The following TPRG1 variants were observed in gnomAD, a reference collection of about 807,000 sequenced individuals.
TPRG1 encodes the protein tumor protein p63 regulated 1.
In TPRG1, 29 loss-of-function variants were observed where a neutral mutation model predicts 29.3. That is an observed-to-expected ratio of 0.99 (90% CI 0.74 to 1.35). The LOEUF (loss-of-function observed/expected upper bound fraction) is 1.35, where lower values mean the gene tolerates loss of function less well. Ranked by LOEUF, TPRG1 falls within the 40% of genes most tolerant of loss-of-function variation. The pLI, the probability that TPRG1 is intolerant of heterozygous loss-of-function variation, is 0.00. For missense variants in TPRG1, 327 were observed against 335.0 expected, an observed-to-expected ratio of 0.98 and a Z score of 0.19; for synonymous variants, 130 against 116.8, an observed-to-expected ratio of 1.11 and a Z score of -0.73.
chr3:189,079,136 A>T (rs923863717), intron 4 of TPRG1, among the ~76,000 whole-genome samples: 6 of 152,180 alleles, frequency 3.9e-5, no homozygotes, highest in African/African-American at 1.4e-4. Context: ...GGGAGGGAGC[A>T]AAAGGAAGAG....
rs557723005 is a variant in TPRG1, at chr3:189,154,598, C to T, written c.-10+3726C>T. On this transcript the variant is annotated intron_variant, in intron 5 of 6. Transcript: ENST00000412373. ...CTGGGATTACAGGCTCCCACCACCA[C>T]GCCTGGCTAATTTTTTGTATTTTTA... Among the ~76,000 whole-genome samples, 25 of 152,174 alleles carry T rather than the reference C, an allele frequency of 1.6e-4. No individual in the cohort carries two copies. In the South Asian group the frequency reaches 1.7e-3, roughly 10 times the overall value.
At chr3:189,017,715 C>A (rs1238037911) in intron 3 of TPRG1, among the ~76,000 whole-genome samples, 7 of 152,148 alleles carry the variant, frequency 4.6e-5, no homozygotes. Flanking sequence ...TTTATAGCAG[C>A]ATGATTTATA....
intron 3 of TPRG1, among the ~76,000 whole-genome samples, chr3:189,143,115 T>G (rs1363127644): frequency 6.6e-6 from 1 of 152,194 alleles, no homozygotes; most frequent in African/African-American, 2.4e-5. Context: ...AGATGAAGGT[T>G]GTTGTTCTGG....
At chr3:189,016,584 C>G (rs965358259) in intron 3 of TPRG1, among the ~76,000 whole-genome samples, 3 of 151,972 alleles carry the variant, frequency 2.0e-5, no homozygotes, top group African/African-American at 7.2e-5. Flanking sequence ...GTGACCCCAC[C>G]CAAATCTCAT....
Position 189,320,675 on chromosome 3 carries a change from A to G in TPRG1, c.683A>G (p.Lys228Arg), listed in dbSNP as rs761524842. The change falls in exon 6 of 6, where the codon AAG becomes AGG. Residue 228 changes from lysine to arginine, a missense_variant. Transcript: ENST00000345063. ...KLVPAIQNAH[K>R]NSTGSGRGKK... The stretch of plus-strand genomic sequence containing the variant: ...GTTCCAGCTATCCAGAATGCCCACA[A>G]GAATTCAACTGGATCTGGAAGAGGA... 3 of 1,612,508 alleles carry G rather than the reference A, an allele frequency of 1.9e-6. No homozygotes were observed. The highest frequency in any genetic ancestry group is 2.5e-6 in the Non-Finnish European group (3 of 1,179,202).
intron 1 of TPRG1, among the ~76,000 whole-genome samples, chr3:189,196,620 A>T (rs1732574578): frequency 1.3e-5 from 2 of 152,154 alleles, no homozygotes; most frequent in African/African-American, 4.8e-5. Context: ...ACTGGCCCCC[A>T]TGACTCAGTT....
chr3:189,074,918 T>G (rs1717052017), intron 4 of TPRG1, among the ~76,000 whole-genome samples: 3 of 151,486 alleles, frequency 2.0e-5, no homozygotes, highest in Non-Finnish European at 4.4e-5. Flanking sequence ...TTCCCGCCAT[T>G]CTCCTGCCTC....
chr3:189,117,573 G>A (rs1393434253), intron 1 of TPRG1, among the ~76,000 whole-genome samples: 1 of 152,190 alleles, frequency 6.6e-6, no homozygotes, highest in African/African-American at 2.4e-5. Context: ...ATCTCATCTT[G>A]AGTTGTAATC....
At chr3:189,204,037 C>CAAAAAAAAAAAAAAAAAAAAAAAAAAAA (rs35367828) in intron 1 of TPRG1, among the ~76,000 whole-genome samples, 1 of 87,916 alleles carries the variant, frequency 1.1e-5, no homozygotes, top group Non-Finnish European at 2.3e-5. Flanking sequence ...GAGACTGTCT[C>CAAAAAAAAAAAAAAAAAAAAAAAAAAAA]AAAAAAAAAA....
chr3:189,099,710 T>C (rs1718964301), upstream of TPRG1, among the ~76,000 whole-genome samples: 1 of 152,092 alleles, frequency 6.6e-6, no homozygotes, highest in East Asian at 1.9e-4. Flanking sequence ...GGAAAGGACG[T>C]CAACCATGGT....
At chr3:189,142,094 G>T (rs989841216) in intron 3 of TPRG1, among the ~76,000 whole-genome samples, 12 of 152,190 alleles carry the variant, frequency 7.9e-5, no homozygotes, top group African/African-American at 2.9e-4. Context: ...TGAGCAGGTG[G>T]CTCCACTAAG....
intron 4 of TPRG1, among the ~76,000 whole-genome samples, chr3:189,067,432 A>G (rs1315426505): frequency 1.3e-5 from 2 of 152,208 alleles, no homozygotes; most frequent in African/African-American, 2.4e-5. Context: ...CTACAGAGCT[A>G]TAGTAACCAA....
intron 1 of TPRG1, among the ~76,000 whole-genome samples, chr3:189,112,903 A>T (rs1173493504): frequency 6.6e-6 from 1 of 152,024 alleles, no homozygotes; most frequent in Non-Finnish European, 1.5e-5. Flanking sequence ...TTTTTTCCAA[A>T]TCTATGAAGA....
intron 4 of TPRG1, among the ~76,000 whole-genome samples, chr3:189,308,517 A>T (rs1004908763): frequency 6.6e-6 from 1 of 152,184 alleles, no homozygotes; most frequent in Admixed American, 6.5e-5. Flanking sequence ...CTTCAGATTA[A>T]TCTTCCTAGT....
At chr3:189,108,269 G>A (rs541359507) in intron 1 of TPRG1, among the ~76,000 whole-genome samples, 1 of 152,246 alleles carries the variant, frequency 6.6e-6, no homozygotes, top group African/African-American at 2.4e-5. Flanking sequence ...AAGCAAGGCA[G>A]GCTGACTTCA....
intron 4 of TPRG1, among the ~76,000 whole-genome samples, chr3:189,028,976 A>G (rs930007107): frequency 3.3e-5 from 5 of 152,012 alleles, no homozygotes; most frequent in African/African-American, 1.2e-4. Flanking sequence ...CCTCGTCCCC[A>G]GTCATGGTCT....
intron 1 of TPRG1, among the ~76,000 whole-genome samples, chr3:189,182,074 A>C (rs781633860): frequency 5.3e-5 from 8 of 152,308 alleles, no homozygotes; most frequent in Admixed American, 1.3e-4. Context: ...AACTCCCATG[A>C]TTCAATTACC....
intron 3 of TPRG1, among the ~76,000 whole-genome samples, chr3:189,225,523 C>T (rs758816396): frequency 1.3e-5 from 2 of 152,164 alleles, no homozygotes; most frequent in African/African-American, 2.4e-5. Flanking sequence ...AGGGGCCTGC[C>T]AGTGTGTTTC....
chr3:189,038,557 G>T (rs1714429333), intron 4 of TPRG1, among the ~76,000 whole-genome samples: 2 of 152,064 alleles, frequency 1.3e-5, no homozygotes, highest in Admixed American at 6.6e-5. Flanking sequence ...CAACTTCGGG[G>T]TGGGGAATGA....
Sources: gnomAD v4.1 joint callset for allele counts (sites outside exome capture counted in the v4.1 genomes callset) on GRCh38, gnomAD v4.1.1 for gene constraint, MANE v1.5 for transcripts, NCBI Gene and HGNC (gene_info 2026-07-23, HGNC 2026-07-21) for gene names.